The following KLK3 variants were observed in gnomAD, a reference collection of about 807,000 sequenced individuals.
The protein encoded by KLK3 is prostate-specific antigen.
Under a neutral mutation model 27.7 loss-of-function variants are expected in KLK3, and 23 were observed. The ratio of observed to expected loss-of-function variants is 0.83; its 90% CI spans 0.60 to 1.17. The LOEUF (loss-of-function observed/expected upper bound fraction) is 1.17, where lower values mean the gene tolerates loss of function less well. Among genes scored for constraint, KLK3 ranks in the 50% most tolerant of loss-of-function variants. KLK3 has a pLI of 0.00. For synonymous variants in KLK3, 142 were observed against 134.2 expected (o/e 1.06, Z -0.40); for missense variants, 322 against 338.1 (o/e 0.95, Z 0.37).
In KLK3 at chr19:50,859,785, G is replaced by A. The variant is rs910369225; in HGVS notation, c.631-187G>A. 2.7e-6 allele frequency: 4 copies of A among 1,469,994 alleles called. No homozygotes were observed. In the African/African-American group the frequency reaches 5.6e-5, roughly 21 times the overall value. 91.1% of individuals were successfully genotyped at this position (1,469,994 alleles called of 1,614,324 possible). ...GTCCCTTCCCCACCGGCCAGGACTG[G>A]AGCCCCTACCCCTCTGTTGGAATCC... is the stretch of plus-strand genomic sequence containing the variant. On this transcript the variant is annotated intron_variant, in intron 4 of 4. Transcript: ENST00000326003.
chr19:50,858,609 A>C lies in KLK3; in HGVS notation c.630+14A>C. The C allele has an allele frequency of 6.2e-7, 1 of 1,613,614 alleles. No homozygotes were observed. The highest frequency in any genetic ancestry group is 1.1e-5 in the South Asian group (1 of 91,040). ...AGCACCTGCTCGGTGAGTCATCCCT[A>C]CTCCCAAGATCTTGAGGGGAAAGGT... On this transcript the variant is annotated intron_variant, in intron 4 of 4. Transcript: ENST00000326003.
At chr19:50,858,714 C>A in intron 4 of KLK3, 119 bp downstream of exon 4, 1 of 1,117,808 alleles carries the variant, frequency 8.9e-7, no homozygotes. Context: ...TGTAGCCATG[C>A]CACCTCCCCG....
At position 50,860,128 on chromosome 19, in the gene KLK3, G is replaced by T; in HGVS notation, c.*1G>T. The T allele has an allele frequency of 6.2e-7, 1 of 1,610,418 alleles. No individual in the cohort carries two copies. Among genetic ancestry groups the T allele is most frequent in the Non-Finnish European group, 8.5e-7 (1 of 1,176,964 alleles). ...GGACACCATCGTGGCCAACCCCTGA[G>T]CACCCCTATCAACCCCCTATTGTAG... On this transcript the variant is annotated 3_prime_UTR_variant, in exon 5 of 5. Coordinates refer to ENST00000326003, the MANE Select transcript of KLK3 (RefSeq NM_001648.2).
chr19:50,858,380 G>A (rs2090162722), intron 3 of KLK3, 65 bp downstream of exon 3: 1 of 1,605,108 alleles, frequency 6.2e-7, no homozygotes, highest in Non-Finnish European at 8.5e-7. Context: ...GGAGGGGACA[G>A]GACTCCTAGG....
chr19:50,855,355 G>C, intron 1 of KLK3: 1 of 314,452 alleles, frequency 3.2e-6, no homozygotes. Context: ...TGGTTCCTTG[G>C]ACCGTATCAC....
intron 4 of KLK3, chr19:50,858,912 C>T: frequency 2.0e-6 from 1 of 488,850 alleles, no homozygotes; most frequent in Non-Finnish European, 3.6e-6. Context: ...CTTCTGTAGC[C>T]CCCAAGCCAG....
chr19:50,856,470 C>G (rs2090148307), intron 2 of KLK3, 71 bp downstream of exon 2: 1 of 1,554,432 alleles, frequency 6.4e-7, no homozygotes, highest in South Asian at 1.2e-5. Context: ...GCATTTTCCC[C>G]AGGATAACCT....
At chr19:50,856,504 G>A in intron 2 of KLK3, 105 bp downstream of exon 2, 2 of 1,405,306 alleles carry the variant, frequency 1.4e-6, no homozygotes, top group Non-Finnish European at 9.6e-7. Context: ...TGGGACTGGG[G>A]GAGAGAGGGA....
intron 3 of KLK3, 24 bp downstream of exon 3, chr19:50,858,339 GC>G: frequency 6.2e-7 from 1 of 1,606,394 alleles, no homozygotes; most frequent in Non-Finnish European, 8.5e-7. Flanking sequence ...AGATGGTGCA[GC>G]CGGGAGCCCA....
At position 50,859,968 on chromosome 19, in the gene KLK3, T is replaced by C. The variant is rs1209989262; in HGVS notation, c.631-4T>C. 1.2e-6 allele frequency: 2 copies of C among 1,610,898 alleles called. No homozygotes were observed. Among genetic ancestry groups the C allele is most frequent in the Admixed American group, 1.7e-5 (1 of 59,872 alleles). ...TCTCACTCTCTCCCTGCTTTTACCC[T>C]TAGGGTGATTCTGGGGGCCCACTTG... On this transcript the variant is annotated splice_region_variant and splice_polypyrimidine_tract_variant and intron_variant, in intron 4 of 4. Transcript: ENST00000326003.
At chr19:50,856,433 T>G in intron 2 of KLK3, 34 bp downstream of exon 2, 1 of 1,604,974 alleles carries the variant, frequency 6.2e-7, no homozygotes, top group Non-Finnish European at 8.5e-7. Flanking sequence ...GGAGCAGGTG[T>G]CTGTGTCCCA....
At chr19:50,857,183 A>AAAAAAAAG (rs1491335383) in intron 2 of KLK3, among the ~76,000 whole-genome samples, 4 of 128,984 alleles carry the variant, frequency 3.1e-5, no homozygotes, top group Non-Finnish European at 6.9e-5. Context: ...AAAAAAAAAA[A>AAAAAAAAG]GAAAAGAAAA....
In KLK3 at chr19:50,858,255, G is replaced by A; in HGVS notation, c.433G>A (p.Glu145Lys). 1 of 1,614,182 alleles carries A rather than the reference G, an allele frequency of 6.2e-7. No individual in the cohort carries two copies. The highest frequency in any genetic ancestry group is 8.5e-7 in the Non-Finnish European group (1 of 1,180,042). ...GAAGGTCATGGACCTGCCCACCCAG[G>A]AGCCAGCACTGGGGACCACCTGCTA... ...AVKVMDLPTQEPALGTTCYAS... is the reference protein window; with the variant it reads ...AVKVMDLPTQKPALGTTCYAS... Residue 145 changes from glutamate to lysine, a missense_variant, in exon 3 of 5, where the codon GAG becomes AAG. Transcript: ENST00000326003.
At position 50,856,256 on chromosome 19, in the gene KLK3, C is replaced by T; in HGVS notation, c.63C>T (p.Ile21=). The T allele has an allele frequency of 6.2e-7, 1 of 1,612,640 alleles. No homozygotes were observed. Among genetic ancestry groups the T allele is most frequent in the Non-Finnish European group, 8.5e-7 (1 of 1,179,840 alleles). Residue 21 remains isoleucine (I), a synonymous_variant, in exon 2 of 5, where the codon ATC becomes ATT. Coordinates refer to ENST00000326003, the MANE Select transcript of KLK3 (RefSeq NM_001648.2). ...SVTWIGAAPL[I]LSRIVGGWEC... is the part of the protein sequence containing the mutation. ...CCTCTGCAGGTGCTGCACCCCTCAT[C>T]CTGTCTCGGATTGTGGGAGGCTGGG...
At chr19:50,856,195 C>A in intron 1 of KLK3, 45 bp from the exon 2 acceptor site, 1 of 1,556,982 alleles carries the variant, frequency 6.4e-7, no homozygotes. Context: ...TCCCCCAGTT[C>A]CTCCTGTCAA....
rs1341546686 is a variant in KLK3, at chr19:50,860,252, G to T, written c.*125G>T. 2.8e-6 allele frequency: 2 copies of T among 713,328 alleles called. No homozygotes were observed. Among genetic ancestry groups the T allele is most frequent in the Admixed American group, 5.0e-5 (2 of 40,156 alleles). The allele number at this position is 713,328 out of a possible 1,614,324, so 44.2% of individuals were successfully genotyped here. ...GTGAGGTCCAGGGTTGCTAGGAAAA[G>T]AAATCAGCAGACACAGGTGTAGACC... On this transcript the variant is annotated 3_prime_UTR_variant, in exon 5 of 5. Transcript: ENST00000326003.
intron 4 of KLK3, 199 bp from the exon 5 acceptor site, chr19:50,859,773 C>A: frequency 6.8e-7 from 1 of 1,470,470 alleles, no homozygotes; most frequent in African/African-American, 1.4e-5. Context: ...CCTTCCCCAC[C>A]GGCCAGGACT....
chr19:50,860,151 T>C lies in KLK3; in HGVS notation c.*24T>C, dbSNP rs766160591. ...GAGCACCCCTATCAACCCCCTATTG[T>C]AGTAAACTTGGAACCTTGGAAATGA... On this transcript the variant is annotated 3_prime_UTR_variant, in exon 5 of 5. Transcript: ENST00000326003. The C allele has an allele frequency of 1.3e-5, 20 of 1,564,612 alleles. No individual in the cohort carries two copies. Among genetic ancestry groups the C allele is most frequent in the Admixed American group, 1.7e-5 (1 of 59,064 alleles).
chr19:50,858,566 C>T lies in KLK3; in HGVS notation c.601C>T (p.Arg201Cys), dbSNP rs546294568. The change falls in exon 4 of 5, where the codon CGC becomes TGC. Residue 201 changes from arginine (R) to cysteine (C), a missense_variant. Coordinates refer to ENST00000326003, the MANE Select transcript of KLK3 (RefSeq NM_001648.2). ...GACCAAGTTCATGCTGTGTGCTGGA[C>T]GCTGGACAGGGGGCAAAAGCACCTG... is the stretch of plus-strand genomic sequence containing the variant. Reference protein sequence around the residue: ...KVTKFMLCAGRWTGGKSTCSG... With the variant: ...KVTKFMLCAGCWTGGKSTCSG... The T allele has an allele frequency of 6.1e-5, 98 of 1,614,162 alleles. 1 individual carries two copies. The South Asian group carries it at 8.7e-4, about 14-fold the overall frequency.
Sources: allele counts gnomAD v4.1 joint callset (sites outside exome capture counted in the v4.1 genomes callset), GRCh38; gene constraint gnomAD v4.1.1; transcripts MANE v1.5; gene names NCBI Gene and HGNC (gene_info 2026-07-23, HGNC 2026-07-21).